C7orf78: variants seen among roughly 807,000 people sequenced by gnomAD.
C7orf78 encodes the protein putative uncharacterized protein C7orf78.
the C7orf78 span, among the ~76,000 whole-genome samples, chr7:12,493,694 C>T: frequency 6.6e-6 from 1 of 152,282 alleles, no homozygotes; most frequent in East Asian, 1.9e-4. Context: ...TAATCTTGGG[C>T]AAGCTGTTAG....
the C7orf78 span, among the ~76,000 whole-genome samples, chr7:12,511,040 A>G: frequency 1.3e-5 from 2 of 152,058 alleles, no homozygotes; most frequent in Non-Finnish European, 2.9e-5. Context: ...AAAGTCTTTA[A>G]TCCATCTGGA....
the C7orf78 span, among the ~76,000 whole-genome samples, chr7:12,532,219 C>CT: frequency 6.6e-6 from 1 of 152,042 alleles, no homozygotes; most frequent in African/African-American, 2.4e-5. Context: ...ACAGGCTGCT[C>CT]TTTTTTAGGA....
the C7orf78 span, chr7:12,483,417 C>T: frequency 6.6e-6 from 1 of 152,190 alleles, no homozygotes; most frequent in African/African-American, 2.4e-5. Context: ...GAAAAACACA[C>T]TTTGATTAAG....
At chr7:12,498,944 A>G in the C7orf78 span, among the ~76,000 whole-genome samples, 4 of 151,970 alleles carry the variant, frequency 2.6e-5, no homozygotes, top group Non-Finnish European at 4.4e-5. Context: ...ATTCTTAAAG[A>G]AAAGAATTTT....
At chr7:12,487,808 C>G in the C7orf78 span, among the ~76,000 whole-genome samples, 3 of 152,060 alleles carry the variant, frequency 2.0e-5, no homozygotes, top group African/African-American at 7.2e-5. Context: ...AGCCTCATCA[C>G]TGGCATGTAG....
the C7orf78 span, among the ~76,000 whole-genome samples, chr7:12,490,556 G>C: frequency 2.2e-4 from 34 of 152,212 alleles, 1 homozygote; most frequent in South Asian, 6.6e-3. Flanking sequence ...CTTTAGTAGG[G>C]ATAGGATATG....
chr7:12,534,125 G>A, the C7orf78 span, among the ~76,000 whole-genome samples: 1 of 152,024 alleles, frequency 6.6e-6, no homozygotes, highest in Non-Finnish European at 1.5e-5. Context: ...ATGCTGTGTT[G>A]GATCTCCCTC....
At chr7:12,499,134 C>T in the C7orf78 span, among the ~76,000 whole-genome samples, 1 of 152,128 alleles carries the variant, frequency 6.6e-6, no homozygotes, top group Non-Finnish European at 1.5e-5. Flanking sequence ...AAAATCATGC[C>T]AAAATGTAAC....
the C7orf78 span, chr7:12,523,182 CT>C: frequency 1.8e-5 from 7 of 398,224 alleles, no homozygotes; most frequent in Non-Finnish European, 3.1e-5. Context: ...CTGTATACAT[CT>C]TTGAGAATTC....
chr7:12,497,358 G>A, the C7orf78 span, among the ~76,000 whole-genome samples: 1 of 152,238 alleles, frequency 6.6e-6, no homozygotes, highest in Non-Finnish European at 1.5e-5. Context: ...GCACAGGTCA[G>A]TGAGTGCGCA....
At chr7:12,528,303 T>C in the C7orf78 span, among the ~76,000 whole-genome samples, 1 of 151,756 alleles carries the variant, frequency 6.6e-6, no homozygotes, top group East Asian at 1.9e-4. Flanking sequence ...ATATGCTATG[T>C]GTCACTCACT....
the C7orf78 span, among the ~76,000 whole-genome samples, chr7:12,523,617 G>C: frequency 1.3e-5 from 2 of 152,120 alleles, no homozygotes; most frequent in African/African-American, 4.8e-5. Context: ...ATAGAACAGA[G>C]AGGTAAGAAC....
At chr7:12,533,302 A>G in the C7orf78 span, among the ~76,000 whole-genome samples, 1 of 151,820 alleles carries the variant, frequency 6.6e-6, no homozygotes, top group Non-Finnish European at 1.5e-5. Context: ...CCAGGTTCAA[A>G]TGATTCTCCT....
the C7orf78 span, chr7:12,523,180 A>G: frequency 4.7e-4 from 187 of 398,492 alleles, no homozygotes; most frequent in Middle Eastern, 7.6e-3. Flanking sequence ...AACTGTATAC[A>G]TCTTTGAGAA....
At chr7:12,523,215 T>C in the C7orf78 span, 4 of 394,622 alleles carry the variant, frequency 1.0e-5, no homozygotes, top group Non-Finnish European at 1.8e-5. Context: ...TCAAAACCAA[T>C]TAAGGAAGAA....
the C7orf78 span, among the ~76,000 whole-genome samples, chr7:12,540,123 G>T: frequency 6.6e-6 from 1 of 152,186 alleles, no homozygotes; most frequent in African/African-American, 2.4e-5. Context: ...AAGAAATCAG[G>T]AAGTTGGCTT....
chr7:12,483,878 C>CAAACA, the C7orf78 span: 1 of 116,950 alleles, frequency 8.6e-6, no homozygotes, highest in African/African-American at 3.0e-5. Context: ...AACTCCATCT[C>CAAACA]AAAAAAAAAA....
chr7:12,484,726 G>C, the C7orf78 span, among the ~76,000 whole-genome samples: 1 of 152,140 alleles, frequency 6.6e-6, no homozygotes, highest in African/African-American at 2.4e-5. Context: ...AGGTGTAATA[G>C]AATAGAAAGC....
the C7orf78 span, among the ~76,000 whole-genome samples, chr7:12,503,233 T>TAATAAATAAATAAATA: frequency 1.1e-3 from 145 of 135,636 alleles, no homozygotes; most frequent in East Asian, 1.5e-3. Flanking sequence ...TAAAGTATAA[T>TAATAAATAAATAAATA]AATAAACAAA....
Sources: allele counts gnomAD v4.1 joint callset (sites outside exome capture counted in the v4.1 genomes callset), GRCh38; gene constraint gnomAD v4.1.1; transcripts MANE v1.5; gene names NCBI Gene and HGNC (gene_info 2026-07-23, HGNC 2026-07-21).